Variants in TXLNG observed in about 807,000 individuals in gnomAD.
TXLNG encodes gamma-taxilin.
TXLNG carries 5 observed loss-of-function variants against 38.8 expected under a neutral mutation model. That is an observed-to-expected ratio of 0.13 (90% CI 0.07 to 0.27). The LOEUF is 0.27. TXLNG is among the 10% of genes least tolerant of loss of function. TXLNG has a pLI of 1.00. For missense variants in TXLNG, 393 were observed against 398.2 expected (o/e 0.99, Z 0.11); for synonymous variants, 182 against 158.2 (o/e 1.15, Z -1.13).
rs1461886183 is a variant in TXLNG, at chrX:16,805,662, T to G, written c.103-12912T>G. Among the ~76,000 whole-genome samples the G allele has an allele frequency of 5.3e-5, 6 of 112,242 alleles. No homozygotes were observed. In the South Asian group the frequency reaches 1.8e-3, roughly 34 times the overall value. On this transcript the variant is annotated intron_variant, in intron 1 of 9. Coordinates refer to ENST00000380122, the MANE Select transcript of TXLNG (RefSeq NM_018360.3). The stretch of plus-strand genomic sequence containing the variant: ...CCATTTTTAATGTAGTAAATTCCCA[T>G]GTATGGGTCTGTGTGGTCTGTTTTT...
intron 3 of TXLNG, among the ~76,000 whole-genome samples, chrX:16,827,646 C>T (rs1478457422): frequency 9.0e-6 from 1 of 111,580 alleles, no homozygotes; most frequent in Non-Finnish European, 1.9e-5. Context: ...AAATTCAGGA[C>T]CCCAGGGGAT....
rs914953426 is a variant in TXLNG at position 16,844,134 on chromosome X, G to A, written c.*2368G>A. 2.7e-5 allele frequency: 3 copies of A among 111,634 alleles called. No individual in the cohort carries two copies. Among genetic ancestry groups the A allele is most frequent in the South Asian group, 3.7e-4 (1 of 2,679 alleles). The allele number at this position is 111,634 out of a possible 1,213,427, so 9.2% of individuals were successfully genotyped here. A position where few individuals can be genotyped will look rare whatever the true frequency, so the allele number is the denominator to read the frequency against. On this transcript the variant is annotated 3_prime_UTR_variant, in exon 10 of 10. Coordinates refer to ENST00000380122, the MANE Select transcript of TXLNG (RefSeq NM_018360.3). Reference sequence around the variant, plus strand: ...GACTCCAAGGTGTAGAGAAAACTTGGGTCTTGGGTAATATGGACCATTTCA... The same window carrying A: ...GACTCCAAGGTGTAGAGAAAACTTGAGTCTTGGGTAATATGGACCATTTCA...
chrX:16,829,855 G>A, intron 5 of TXLNG, 85 bp downstream of exon 5: 1 of 983,408 alleles, frequency 1.0e-6, no homozygotes, highest in South Asian at 2.4e-5. Context: ...TGCTGTCACG[G>A]GTGTTTCAGA....
chrX:16,786,690 C>A, intron 1 of TXLNG, 101 bp downstream of exon 1: 1 of 338,679 alleles, frequency 3.0e-6, no homozygotes, highest in South Asian at 8.7e-5. Context: ...CCTATAGCCA[C>A]GGGACGAACA....
chrX:16,798,037 G>A (rs1927950336), intron 1 of TXLNG, among the ~76,000 whole-genome samples: 1 of 112,314 alleles, frequency 8.9e-6, no homozygotes, highest in South Asian at 3.7e-4. Context: ...AGTTGGAACA[G>A]GGAGGAGTAT....
chrX:16,825,545 C>T (rs1569269711), intron 3 of TXLNG, among the ~76,000 whole-genome samples: 1 of 111,666 alleles, frequency 9.0e-6, no homozygotes, highest in East Asian at 2.8e-4. Context: ...TTTTTATCTA[C>T]TTGTTTGTTT....
chrX:16,806,727 T>C (rs1349930398), intron 1 of TXLNG, among the ~76,000 whole-genome samples: 1 of 109,679 alleles, frequency 9.1e-6, no homozygotes, highest in Non-Finnish European at 1.9e-5. Flanking sequence ...ACGATCCTGG[T>C]TAACACGGTG....
intron 1 of TXLNG, among the ~76,000 whole-genome samples, chrX:16,798,752 ATATTT>A (rs1927974748): frequency 9.0e-6 from 1 of 110,580 alleles, no homozygotes; most frequent in African/African-American, 3.3e-5. Context: ...TACAAGGCTA[ATATTT>A]TTATTTTTTG....
intron 1 of TXLNG, among the ~76,000 whole-genome samples, chrX:16,788,420 T>G (rs989584123): frequency 8.9e-6 from 1 of 112,325 alleles, no homozygotes. Context: ...GCTTATGCTC[T>G]TCTGAGCATC....
chrX:16,827,977 A>G (rs900251447), intron 3 of TXLNG, 117 bp from the exon 4 acceptor site: 7 of 596,915 alleles, frequency 1.2e-5, no homozygotes, highest in Non-Finnish European at 2.4e-6. Context: ...TAAATAATAT[A>G]TTAAACCATA....
At chrX:16,826,522 C>T (rs778989387) in intron 3 of TXLNG, among the ~76,000 whole-genome samples, 179 of 111,889 alleles carry the variant, frequency 1.6e-3, no homozygotes, top group African/African-American at 5.6e-3. Flanking sequence ...TGCAGCAGTT[C>T]TTCTTACAAA....
intron 1 of TXLNG, among the ~76,000 whole-genome samples, chrX:16,802,038 C>G: frequency 1.0e-5 from 1 of 97,256 alleles, no homozygotes; most frequent in Middle Eastern, 5.9e-3. Flanking sequence ...ACCGCAACCT[C>G]TGCCTCCTGG....
chrX:16,828,306 T>C (rs371686923), intron 4 of TXLNG, 42 bp downstream of exon 4: 74 of 1,120,750 alleles, frequency 6.6e-5, no homozygotes, highest in East Asian at 4.8e-4. Flanking sequence ...GAGGGACTTA[T>C]CTGATTTCAT....
rs772795903 is a variant in TXLNG at position 16,821,764 on chromosome X, G to T, written c.498+1509G>T. 4.7e-3 allele frequency among the ~76,000 whole-genome samples: 519 copies of T among 110,198 alleles called. 3 individuals are homozygous for T. The highest frequency in any genetic ancestry group is 0.017 in the African/African-American group (501 of 30,322). ...CCAGCACTTTGGGAGGCCAAGGTGG[G>T]CGGATCACGAGGTCAGGAGATCGAG... On this transcript the variant is annotated intron_variant, in intron 3 of 9. Transcript: ENST00000380122.
At chrX:16,801,306 C>T (rs375548857) in intron 1 of TXLNG, among the ~76,000 whole-genome samples, 3 of 111,910 alleles carry the variant, frequency 2.7e-5, no homozygotes, top group African/African-American at 9.7e-5. Context: ...CTGCCTCAGC[C>T]TCCTGAGTAG....
At chrX:16,816,311 G>C (rs956143712) in intron 1 of TXLNG, among the ~76,000 whole-genome samples, 10 of 111,477 alleles carry the variant, frequency 9.0e-5, no homozygotes, top group African/African-American at 3.3e-4. Context: ...ACAATTTTAA[G>C]AAGTTTCTAC....
At chrX:16,804,971 A>ACAC (rs1928269859) in intron 1 of TXLNG, among the ~76,000 whole-genome samples, 1 of 1,683 alleles carries the variant, frequency 5.9e-4, no homozygotes, top group Non-Finnish European at 8.9e-4. Context: ...ACCACTGCCC[A>ACAC]CCCCCCCCCC....
chrX:16,796,926 C>T (rs1200765144), intron 1 of TXLNG, among the ~76,000 whole-genome samples: 1 of 111,352 alleles, frequency 9.0e-6, no homozygotes, highest in Non-Finnish European at 1.9e-5. Flanking sequence ...TTCTTGTGGG[C>T]TTCTTTACCT....
At chrX:16,820,589 C>A (rs1244036574) in intron 3 of TXLNG, among the ~76,000 whole-genome samples, 1 of 111,450 alleles carries the variant, frequency 9.0e-6, no homozygotes, top group African/African-American at 3.3e-5. Flanking sequence ...TTAAACTTTT[C>A]CTAAGGGAAT....
Sources: allele counts gnomAD v4.1 joint callset (sites outside exome capture counted in the v4.1 genomes callset), GRCh38; gene constraint gnomAD v4.1.1; transcripts MANE v1.5; gene names NCBI Gene and HGNC (gene_info 2026-07-23, HGNC 2026-07-21).